Variants in KCNIP4 observed in about 807,000 individuals in gnomAD.
The protein encoded by KCNIP4 is Kv channel-interacting protein 4.
KCNIP4 carries 12 observed loss-of-function variants against 34.0 expected under a neutral mutation model. The observed-to-expected ratio is 0.35, with a 90% confidence interval of 0.23 to 0.57. The LOEUF (loss-of-function observed/expected upper bound fraction) is 0.57. KCNIP4 is among the 20% of genes least tolerant of loss of function. The probability of loss-of-function intolerance (pLI) is 0.83; values close to 1 mark genes in which losing one functional copy is unlikely to be tolerated. For synonymous variants in KCNIP4, 124 were observed against 102.2 expected (o/e 1.21, Z -1.29); for missense variants, 238 against 311.7 (o/e 0.76, Z 1.78).
intron 1 of KCNIP4, among the ~76,000 whole-genome samples, chr4:21,234,315 T>G (rs1199309948): frequency 1.8e-4 from 21 of 118,960 alleles, no homozygotes; most frequent in South Asian, 4.8e-4. Context: ...ATATAACATA[T>G]ATATAACATA....
In KCNIP4 at chr4:21,599,158, C is replaced by T. The variant is rs542931916; in HGVS notation, c.61+349413G>A. On this transcript the variant is annotated intron_variant, in intron 1 of 8. Transcript: ENST00000382152. Reference sequence around the variant, plus strand: ...GGACCCTTCGGGAAATGTTCTACTGCCTCCTATGTTCTGCTTTGAATCCTC... The same window carrying T: ...GGACCCTTCGGGAAATGTTCTACTGTCTCCTATGTTCTGCTTTGAATCCTC... Among the ~76,000 whole-genome samples, 10 of 152,162 alleles carry T rather than the reference C, an allele frequency of 6.6e-5. No individual in the cohort carries two copies. The East Asian group carries it at 1.9e-3, about 30-fold the overall frequency.
chr4:21,812,979 C>T (rs909125134), intron 1 of KCNIP4, among the ~76,000 whole-genome samples: 5 of 152,138 alleles, frequency 3.3e-5, no homozygotes, highest in African/African-American at 9.7e-5. Flanking sequence ...TCTTGTGTGT[C>T]ATACTCAGGA....
At chr4:21,114,007 A>G (rs1749478473) in intron 1 of KCNIP4, among the ~76,000 whole-genome samples, 2 of 152,330 alleles carry the variant, frequency 1.3e-5, no homozygotes, top group South Asian at 2.1e-4. Context: ...AATCATGCTT[A>G]AAATGGGAAA....
At position 20,745,421 on chromosome 4, in the gene KCNIP4, T is replaced by C. The variant is rs578184418; in HGVS notation, c.429+4241A>G. 3.9e-5 allele frequency among the ~76,000 whole-genome samples: 6 copies of C among 152,312 alleles called. No homozygotes were observed. The East Asian group carries it at 5.8e-4, about 15-fold the overall frequency. On this transcript the variant is annotated intron_variant, in intron 5 of 8. Transcript: ENST00000382152. ...AGAGTTACTCAAAACAGGAATGATA[T>C]CTTTTCGTGCAAAAGAAAAATGAGA...
intron 1 of KCNIP4, among the ~76,000 whole-genome samples, chr4:21,112,651 G>A (rs1261792465): frequency 2.0e-5 from 3 of 152,214 alleles, no homozygotes; most frequent in Non-Finnish European, 4.4e-5. Flanking sequence ...ATTTGAATCA[G>A]GGCCACCTGG....
In KCNIP4 at chr4:21,928,412, A is replaced by G. The variant is rs533976157; in HGVS notation, c.61+20159T>C. On this transcript the variant is annotated intron_variant, in intron 1 of 8. Coordinates refer to ENST00000382152, the MANE Select transcript of KCNIP4 (RefSeq NM_025221.6). The stretch of plus-strand genomic sequence containing the variant: ...CAGCCCAATTCATCATACCCAGCAT[A>G]TCTTTAATAAGAGCACAAGTGACAA... Among the ~76,000 whole-genome samples, 575 of 152,272 alleles carry G rather than the reference A, an allele frequency of 3.8e-3. 1 individual carries two copies. Among genetic ancestry groups the G allele is most frequent in the African/African-American group, 0.013 (542 of 41,560 alleles).
intron 1 of KCNIP4, among the ~76,000 whole-genome samples, chr4:21,395,714 A>G (rs778274051): frequency 6.6e-6 from 1 of 152,204 alleles, no homozygotes; most frequent in Non-Finnish European, 1.5e-5. Flanking sequence ...GAAATGTCCT[A>G]TAGAGACAAT....
chr4:20,747,129 T>C (rs1297885743), intron 5 of KCNIP4, among the ~76,000 whole-genome samples: 1 of 152,218 alleles, frequency 6.6e-6, no homozygotes, highest in African/African-American at 2.4e-5. Context: ...CAACGTTCAT[T>C]GCAATTACTG....
At chr4:20,963,227 T>C (rs1734018591) in intron 1 of KCNIP4, among the ~76,000 whole-genome samples, 1 of 150,812 alleles carries the variant, frequency 6.6e-6, no homozygotes, top group African/African-American at 2.4e-5. Context: ...CTGGGGAGGG[T>C]GAGGCATGAG....
At chr4:20,939,060 T>C (rs1343818544) in intron 1 of KCNIP4, among the ~76,000 whole-genome samples, 1 of 152,184 alleles carries the variant, frequency 6.6e-6, no homozygotes, top group Non-Finnish European at 1.5e-5. Context: ...TCACATTTTT[T>C]TTTATTGGAC....
In KCNIP4 at chr4:20,844,479, G is replaced by A. The variant is rs534289545; in HGVS notation, c.288+6064C>T. Reference sequence around the variant, plus strand: ...AGAAGATTTTAATCCCTAATTTGCTGACAGAGAGACAGAAGCCGGCAGGAA... The same window carrying A: ...AGAAGATTTTAATCCCTAATTTGCTAACAGAGAGACAGAAGCCGGCAGGAA... On this transcript the variant is annotated intron_variant, in intron 3 of 8. Coordinates refer to ENST00000382152, the MANE Select transcript of KCNIP4 (RefSeq NM_025221.6). Among the ~76,000 whole-genome samples, 5 of 152,266 alleles carry A rather than the reference G, an allele frequency of 3.3e-5. 1 individual carries two copies. In the East Asian group the frequency reaches 9.7e-4, roughly 29 times the overall value.
intron 1 of KCNIP4, among the ~76,000 whole-genome samples, chr4:21,533,224 T>C (rs1841370): frequency 0.08 from 12,208 of 152,164 alleles, 510 homozygotes; most frequent in East Asian, 0.1. Flanking sequence ...ATATGCTCTC[T>C]CACTTAAACT....
chr4:21,234,464 ATATAATATATAG>A (rs1759181184), intron 1 of KCNIP4, among the ~76,000 whole-genome samples: 4 of 130,208 alleles, frequency 3.1e-5, no homozygotes, highest in Non-Finnish European at 6.1e-5. Context: ...CATATAACGT[ATATAATATATAG>A]TACATATAAC....
chr4:20,981,682 G>A (rs1022636761), intron 1 of KCNIP4, among the ~76,000 whole-genome samples: 1 of 152,088 alleles, frequency 6.6e-6, no homozygotes, highest in Admixed American at 6.6e-5. Flanking sequence ...GTATTTCAGA[G>A]GAAAAAGGGA....
chr4:20,764,788 C>T (rs779005555), intron 3 of KCNIP4, among the ~76,000 whole-genome samples: 1 of 152,040 alleles, frequency 6.6e-6, no homozygotes. Context: ...GACATTGAGG[C>T]GTTTGGACAG....
At chr4:20,893,721 GCCA>G (rs1161393043) in intron 1 of KCNIP4, among the ~76,000 whole-genome samples, 1 of 151,122 alleles carries the variant, frequency 6.6e-6, no homozygotes, top group African/African-American at 2.4e-5. Context: ...ACCTCACCCA[GCCA>G]CCTTGCCTCT....
intron 1 of KCNIP4, among the ~76,000 whole-genome samples, chr4:21,238,807 G>C (rs1333377434): frequency 6.6e-6 from 1 of 152,108 alleles, no homozygotes; most frequent in Non-Finnish European, 1.5e-5. Flanking sequence ...TACTGCCCAA[G>C]GTAATTTATA....
intron 1 of KCNIP4, chr4:21,851,748 A>G (rs145943413): frequency 1.3e-5 from 2 of 152,224 alleles, no homozygotes; most frequent in African/African-American, 4.8e-5. Flanking sequence ...TACCACGTAC[A>G]CTAATAATAA....
At chr4:21,103,174 T>A (rs979012572) in intron 1 of KCNIP4, among the ~76,000 whole-genome samples, 1 of 151,566 alleles carries the variant, frequency 6.6e-6, no homozygotes, top group African/African-American at 2.4e-5. Flanking sequence ...AGCTTTTCCA[T>A]TTACCAACTT....
Sources: allele counts gnomAD v4.1 joint callset (sites outside exome capture counted in the v4.1 genomes callset), GRCh38; gene constraint gnomAD v4.1.1; transcripts MANE v1.5; gene names NCBI Gene and HGNC (gene_info 2026-07-23, HGNC 2026-07-21).